The following DIXDC1 variants were observed in gnomAD, a reference collection of about 807,000 sequenced individuals.
DIXDC1 encodes the protein dixin.
Under a neutral mutation model 103.1 loss-of-function variants are expected in DIXDC1, and 64 were observed. The ratio of observed to expected loss-of-function variants is 0.62; its 90% CI spans 0.51 to 0.76. DIXDC1 has a LOEUF of 0.76. DIXDC1 is among the 30% of genes least tolerant of loss of function. DIXDC1 has a pLI of 0.00. For synonymous variants in DIXDC1, 266 were observed against 298.5 expected, an observed-to-expected ratio of 0.89 and a Z score of 1.12; for missense variants, 759 against 834.2, an observed-to-expected ratio of 0.91 and a Z score of 1.11.
At chr11:111,946,958 C>T (rs7945387) in intron 1 of DIXDC1, 82,163 of 166,250 alleles carry the variant, frequency 0.49, 22,882 homozygotes, top group African/African-American at 0.78. Context: ...CCAGATATTT[C>T]CATTTTGCTG....
At chr11:111,927,409 G>C (rs983133268) in intron 1 of DIXDC1, 1 of 152,616 alleles carries the variant, frequency 6.6e-6, no homozygotes, top group Admixed American at 6.5e-5. Context: ...AAGGTGGCGA[G>C]TAACAAAAAT....
upstream of DIXDC1, among the ~76,000 whole-genome samples, chr11:111,933,623 G>A (rs114179282): frequency 7.4e-3 from 965 of 130,042 alleles, 11 homozygotes; most frequent in African/African-American, 0.027. Flanking sequence ...TATTAATTTT[G>A]TAATTTTTTT....
chr11:111,936,178 G>A (rs994726532), upstream of DIXDC1, among the ~76,000 whole-genome samples: 3 of 152,224 alleles, frequency 2.0e-5, no homozygotes, highest in East Asian at 5.8e-4. Flanking sequence ...CCTTGGACAA[G>A]GCCCTGACCT....
intron 4 of DIXDC1, 35 bp downstream of exon 4, chr11:111,974,289 C>A: frequency 1.3e-6 from 2 of 1,570,716 alleles, no homozygotes; most frequent in East Asian, 4.6e-5. Flanking sequence ...GAACTGATCC[C>A]TCTCTCTGAT....
In DIXDC1 at chr11:111,943,585, C is replaced by T. The variant is rs371820019; in HGVS notation, c.60+6026C>T. Among the ~76,000 whole-genome samples the T allele has an allele frequency of 4.4e-4, 67 of 150,572 alleles. 1 individual carries two copies. The highest frequency in any genetic ancestry group is 1.6e-3 in the African/African-American group (64 of 40,854). On this transcript the variant is annotated intron_variant, in intron 1 of 19. Transcript: ENST00000440460. ...CGCAATCTTGGCTCACTGCAACCTCCGCCTCCCGGGTTCAAGCAATTCTCC... is the reference window on the plus strand; with the variant it reads ...CGCAATCTTGGCTCACTGCAACCTCTGCCTCCCGGGTTCAAGCAATTCTCC...
chr11:111,968,696 C>T, intron 3 of DIXDC1, 58 bp downstream of exon 3: 1 of 1,499,226 alleles, frequency 6.7e-7, no homozygotes. Context: ...GAGTGCTAGC[C>T]TCAGGAAAAT....
At chr11:111,990,792 C>T (rs950939902) in intron 10 of DIXDC1, among the ~76,000 whole-genome samples, 3 of 152,112 alleles carry the variant, frequency 2.0e-5, no homozygotes, top group Non-Finnish European at 4.4e-5. Flanking sequence ...CTGCAACCTC[C>T]ACCTCCCGAG....
intron 10 of DIXDC1, among the ~76,000 whole-genome samples, chr11:111,991,025 C>G (rs1860696325): frequency 6.6e-6 from 1 of 152,114 alleles, no homozygotes; most frequent in Admixed American, 6.5e-5. Flanking sequence ...TTATTTCACC[C>G]AAATGGGAGT....
At chr11:111,996,252 C>T in intron 17 of DIXDC1, 106 bp downstream of exon 17, 1 of 937,122 alleles carries the variant, frequency 1.1e-6, no homozygotes, top group South Asian at 1.7e-5. Flanking sequence ...TAGTACTTCA[C>T]TTTTATACTA....
At chr11:111,929,937 A>G (rs920948992) in intron 2 of DIXDC1, 2 of 1,530,820 alleles carry the variant, frequency 1.3e-6, no homozygotes, top group African/African-American at 2.7e-5. Flanking sequence ...CTATTGTGAA[A>G]AGCGTGATGA....
chr11:111,958,606 C>T lies in DIXDC1; in HGVS notation c.61-5943C>T, dbSNP rs1002639520. On this transcript the variant is annotated intron_variant, in intron 1 of 19. Transcript: ENST00000440460. The surrounding 1 kb of genome is among the most constrained non-coding windows in gnomAD (Gnocchi z 4.2). ...GCTCAGCGCTGGTCTACACGTGCCC[C>T]TTGGCACGTGGCAGGAGGCAGACAG... is the stretch of plus-strand genomic sequence containing the variant. 1.4e-4 allele frequency among the ~76,000 whole-genome samples: 21 copies of T among 152,310 alleles called. No individual in the cohort carries two copies. Among genetic ancestry groups the T allele is most frequent in the Non-Finnish European group, 2.6e-4 (18 of 68,020 alleles).
chr11:111,958,727 C>T lies in DIXDC1; in HGVS notation c.61-5822C>T, dbSNP rs1859473001. ...GGGTCAGGCTGCCAGCCCCGCAGAC[C>T]GGAGTGGGAATTTATGGTGTTTTTT... is the stretch of plus-strand genomic sequence containing the variant. On this transcript the variant is annotated intron_variant, in intron 1 of 19. Coordinates refer to ENST00000440460, the MANE Select transcript of DIXDC1 (RefSeq NM_001037954.4). The surrounding 1 kb of genome is among the most constrained non-coding windows in gnomAD (Gnocchi z 4.2). Among the ~76,000 whole-genome samples the T allele has an allele frequency of 1.3e-5, 2 of 152,160 alleles. No individual in the cohort carries two copies. Among genetic ancestry groups the T allele is most frequent in the Admixed American group, 6.5e-5 (1 of 15,274 alleles).
chr11:112,017,971 T>C lies in DIXDC1; in HGVS notation c.1971+86T>C. The C allele has an allele frequency of 9.4e-7, 1 of 1,062,378 alleles. No individual in the cohort carries two copies. Among genetic ancestry groups the C allele is most frequent in the Non-Finnish European group, 1.4e-6 (1 of 724,912 alleles). 65.8% of individuals were successfully genotyped at this position (1,062,378 alleles called of 1,614,324 possible). A position where few individuals can be genotyped will look rare whatever the true frequency, so the allele number is the denominator to read the frequency against. The stretch of plus-strand genomic sequence containing the variant: ...CTGTTCAAGCACTAGTGTCCAGAAG[T>C]ACATGAGTTCCCTGACTAGGTCAGA... On this transcript the variant is annotated intron_variant, in intron 19 of 19. Transcript: ENST00000440460. The surrounding 1 kb of genome is among the most constrained non-coding windows in gnomAD (Gnocchi z 4.0).
chr11:111,945,963 G>A (rs587633521), intron 1 of DIXDC1, among the ~76,000 whole-genome samples: 1 of 138,070 alleles, frequency 7.2e-6, no homozygotes, highest in East Asian at 2.1e-4. Flanking sequence ...TTGAGATGGA[G>A]TCTCGTTCTG....
intron 1 of DIXDC1, among the ~76,000 whole-genome samples, chr11:111,956,024 G>T: frequency 1.0e-5 from 1 of 96,136 alleles, no homozygotes. Flanking sequence ...ACACACACAC[G>T]GTGGACTATT....
Position 111,985,305 on chromosome 11 carries a change from A to G in DIXDC1, c.992A>G (p.Asn331Ser), listed in dbSNP as rs1555173710. Residue 331 changes from asparagine to serine, a missense_variant, in exon 8 of 20, where the codon AAT becomes AGT. Physicochemically the swap from Asn to Ser is conservative, Grantham distance 46. This residue lies in a region of DIXDC1 where 657 missense variants were observed against 727.5 expected (regional missense o/e 0.90). Transcript: ENST00000440460. The stretch of plus-strand genomic sequence containing the variant: ...TTGGCCCTCTGTGAACCAGGTGTCA[A>G]TCCCGAGGAACAACTGGTGAGCTCC... ...RPLALCEPGVNPEEQLIIIQS... is the reference protein window; with the variant it reads ...RPLALCEPGVSPEEQLIIIQS... 1.5e-5 allele frequency: 25 copies of G among 1,613,258 alleles called. No individual in the cohort carries two copies. The highest frequency in any genetic ancestry group is 2.0e-5 in the Non-Finnish European group (24 of 1,179,598).
intron 1 of DIXDC1, among the ~76,000 whole-genome samples, chr11:111,938,732 C>G (rs868936803): frequency 2.1e-4 from 32 of 152,188 alleles, no homozygotes; most frequent in African/African-American, 7.7e-4. Context: ...CAGAACCCTC[C>G]CCTGGTCTGG....
intron 1 of DIXDC1, among the ~76,000 whole-genome samples, chr11:111,939,796 AG>A (rs1966357811): frequency 1.3e-5 from 2 of 152,180 alleles, no homozygotes; most frequent in Non-Finnish European, 1.5e-5. Context: ...TCCAGCCTCC[AG>A]GGTTGCTTAA....
intron 1 of DIXDC1, among the ~76,000 whole-genome samples, chr11:111,956,560 G>T (rs1468146501): frequency 6.6e-6 from 1 of 152,104 alleles, no homozygotes; most frequent in African/African-American, 2.4e-5. Context: ...CACAGTTTTG[G>T]CTCACTACAA....
Sources: gnomAD v4.1 joint callset for allele counts (sites outside exome capture counted in the v4.1 genomes callset) on GRCh38, gnomAD v4.1.1 for gene constraint, gnomAD v4.1.1 regional missense constraint, Gnocchi (gnomAD v3.1) non-coding constraint, MANE v1.5 for transcripts, NCBI Gene and HGNC (gene_info 2026-07-23, HGNC 2026-07-21) for gene names.